Variants in STK32A observed in about 807,000 individuals in gnomAD.
STK32A encodes the protein serine/threonine-protein kinase 32A.
A neutral mutation model predicts 53.2 loss-of-function variants in STK32A; 41 were observed. The ratio of observed to expected loss-of-function variants is 0.77; its 90% CI spans 0.60 to 1.00. STK32A has a LOEUF of 1.00. Ranked by LOEUF, STK32A falls within the 50% of genes least tolerant of loss-of-function variation. The probability of loss-of-function intolerance (pLI) is 0.00; values close to 1 mark genes in which losing one functional copy is unlikely to be tolerated. For synonymous variants in STK32A, 166 were observed against 162.8 expected (o/e 1.02, Z -0.15); for missense variants, 458 against 485.8 (o/e 0.94, Z 0.54).
chr5:147,274,537 A>C (rs535951448), intron 2 of STK32A, among the ~76,000 whole-genome samples: 7 of 152,324 alleles, frequency 4.6e-5, no homozygotes, highest in Admixed American at 3.3e-4. Context: ...ACCAGAGACT[A>C]TGAAAACCCC....
intron 12 of STK32A, 75 bp downstream of exon 12, chr5:147,383,580 T>A (rs1757537950): frequency 1.7e-6 from 2 of 1,178,232 alleles, no homozygotes; most frequent in East Asian, 2.6e-5. Flanking sequence ...GCAGAGAAAA[T>A]ATATTTTTAA....
At chr5:147,312,014 A>G (rs943753393) in intron 4 of STK32A, among the ~76,000 whole-genome samples, 2 of 152,234 alleles carry the variant, frequency 1.3e-5, no homozygotes, top group Non-Finnish European at 2.9e-5. Context: ...GACTAACTAC[A>G]GGGGAGATAA....
At chr5:147,339,310 G>A (rs774699629) in intron 5 of STK32A, among the ~76,000 whole-genome samples, 8 of 152,228 alleles carry the variant, frequency 5.3e-5, no homozygotes, top group Admixed American at 1.3e-4. Context: ...TGTTGGGCCT[G>A]TGGATGCACA....
chr5:147,272,995 G>GA (rs997864807), intron 2 of STK32A, among the ~76,000 whole-genome samples: 5 of 152,138 alleles, frequency 3.3e-5, no homozygotes, highest in South Asian at 4.1e-4. Flanking sequence ...TCAATTTTTA[G>GA]AAAAAATAAA....
At chr5:147,240,355 T>A (rs997964578) in intron 2 of STK32A, among the ~76,000 whole-genome samples, 2 of 152,100 alleles carry the variant, frequency 1.3e-5, no homozygotes, top group Admixed American at 1.3e-4. Context: ...TTATAGGTTG[T>A]CTGGGGGAAA....
intron 10 of STK32A, 95 bp from the exon 11 acceptor site, chr5:147,374,995 C>A: frequency 1.7e-6 from 2 of 1,158,776 alleles, no homozygotes; most frequent in South Asian, 1.8e-5. Flanking sequence ...ATGGACTGCT[C>A]CGTTAAGACT....
intron 2 of STK32A, among the ~76,000 whole-genome samples, chr5:147,275,102 T>A (rs1166515171): frequency 6.6e-6 from 1 of 152,228 alleles, no homozygotes; most frequent in Non-Finnish European, 1.5e-5. Context: ...AGTACACTAT[T>A]CCACATTCCC....
rs568100904 is a variant in STK32A at position 147,265,895 on chromosome 5, A to G, written c.53-12229A>G. On this transcript the variant is annotated intron_variant, in intron 2 of 12. Transcript: ENST00000397936. ...TCATTCATGGAGAATTGTAAAATCC[A>G]GCAGAAGAGCTCTCTTTTTAACCAG... 2.6e-5 allele frequency among the ~76,000 whole-genome samples: 4 copies of G among 152,316 alleles called. No homozygotes were observed. The East Asian group carries it at 5.8e-4, about 22-fold the overall frequency.
chr5:147,384,436 A>T lies in STK32A; in HGVS notation c.*453A>T. On this transcript the variant is annotated 3_prime_UTR_variant, in exon 13 of 13. Coordinates refer to ENST00000397936, the MANE Select transcript of STK32A (RefSeq NM_001112724.2). The stretch of plus-strand genomic sequence containing the variant: ...CTTTTCAGACCTCGAAAGTTTCATA[A>T]AGTGGTCAGAATGCCCCAGGCTACT... 6.5e-7 allele frequency: 1 copy of T among 1,534,236 alleles called. No individual in the cohort carries two copies. The highest frequency in any genetic ancestry group is 8.7e-7 in the Non-Finnish European group (1 of 1,145,964).
chr5:147,287,927 G>A lies in STK32A; in HGVS notation c.260+8529G>A, dbSNP rs549719580. ...TACCTTCTCATATTTGTCTTTCATCGCTGTGTGGGCAAAGTTGATTTCATT... is the reference window on the plus strand; with the variant it reads ...TACCTTCTCATATTTGTCTTTCATCACTGTGTGGGCAAAGTTGATTTCATT... On this transcript the variant is annotated intron_variant, in intron 4 of 12. Transcript: ENST00000397936. 8.6e-5 allele frequency among the ~76,000 whole-genome samples: 13 copies of A among 151,154 alleles called. No individual in the cohort carries two copies. The South Asian group carries it at 1.5e-3, about 17-fold the overall frequency.
At position 147,384,742 on chromosome 5, in the gene STK32A, C is replaced by G. The variant is rs1757585331; in HGVS notation, c.*759C>G. On this transcript the variant is annotated 3_prime_UTR_variant, in exon 13 of 13. Coordinates refer to ENST00000397936, the MANE Select transcript of STK32A (RefSeq NM_001112724.2). ...TGAATTGCTAAATATTAGCCCACCACTCCTTCCAAGAAGCATGTTCCTTGA... is the reference window on the plus strand; with the variant it reads ...TGAATTGCTAAATATTAGCCCACCAGTCCTTCCAAGAAGCATGTTCCTTGA... 3.5e-6 allele frequency: 1 copy of G among 288,422 alleles called. No individual in the cohort carries two copies. Among genetic ancestry groups the G allele is most frequent in the South Asian group, 9.7e-5 (1 of 10,360 alleles). The allele number at this position is 288,422 out of a possible 1,614,324, so 17.9% of individuals were successfully genotyped here. A position where few individuals can be genotyped will look rare whatever the true frequency, so the allele number is the denominator to read the frequency against.
intron 4 of STK32A, among the ~76,000 whole-genome samples, chr5:147,281,306 C>G (rs1752053399): frequency 6.6e-6 from 1 of 152,050 alleles, no homozygotes; most frequent in South Asian, 2.1e-4. Flanking sequence ...TTAAGCTAAT[C>G]AGGGAGGAAC....
chr5:147,291,634 T>A (rs949389187), intron 4 of STK32A, among the ~76,000 whole-genome samples: 1 of 151,802 alleles, frequency 6.6e-6, no homozygotes, highest in South Asian at 2.1e-4. Flanking sequence ...ATGAAGAAAA[T>A]TAAAATCCAG....
At chr5:147,258,316 T>C (rs1754331269) in intron 2 of STK32A, among the ~76,000 whole-genome samples, 1 of 152,000 alleles carries the variant, frequency 6.6e-6, no homozygotes, top group Admixed American at 6.6e-5. Context: ...TTTCAAAACT[T>C]GCTTAAACCT....
At chr5:147,360,745 T>C (rs533359836) in intron 7 of STK32A, among the ~76,000 whole-genome samples, 2 of 152,354 alleles carry the variant, frequency 1.3e-5, no homozygotes, top group South Asian at 2.1e-4. Flanking sequence ...GTGGTGAGCA[T>C]GCAGAAGCAT....
chr5:147,301,185 A>G (rs745901118), intron 4 of STK32A, among the ~76,000 whole-genome samples: 2 of 152,230 alleles, frequency 1.3e-5, no homozygotes, highest in African/African-American at 2.4e-5. Flanking sequence ...TGTTATGTAG[A>G]TGAAATCTCA....
intron 4 of STK32A, among the ~76,000 whole-genome samples, chr5:147,299,311 A>C (rs938139120): frequency 3.3e-5 from 5 of 152,080 alleles, no homozygotes; most frequent in Non-Finnish European, 7.4e-5. Flanking sequence ...GGACGACCAG[A>C]GATCACTCTC....
At chr5:147,248,218 G>C (rs978175911) in intron 2 of STK32A, among the ~76,000 whole-genome samples, 8 of 151,158 alleles carry the variant, frequency 5.3e-5, no homozygotes, top group Non-Finnish European at 7.4e-5. Flanking sequence ...GGCTTATTTT[G>C]CTGACTCCTG....
intron 4 of STK32A, among the ~76,000 whole-genome samples, chr5:147,304,314 C>T (rs1753294139): frequency 6.6e-6 from 1 of 152,150 alleles, no homozygotes; most frequent in Non-Finnish European, 1.5e-5. Flanking sequence ...GCCTAAGCAA[C>T]TTAGATGATC....
Sources: allele counts gnomAD v4.1 joint callset (sites outside exome capture counted in the v4.1 genomes callset), GRCh38; gene constraint gnomAD v4.1.1; transcripts MANE v1.5; gene names NCBI Gene and HGNC (gene_info 2026-07-23, HGNC 2026-07-21).